Variants in GCSAML observed in about 807,000 individuals in gnomAD.
GCSAML encodes the protein germinal center-associated signaling and motility-like protein.
GCSAML carries 9 observed loss-of-function variants against 13.0 expected under a neutral mutation model. The ratio of observed to expected loss-of-function variants is 0.69; its 90% CI spans 0.42 to 1.21. GCSAML has a LOEUF of 1.21. Ranked by LOEUF, GCSAML falls within the 50% of genes most tolerant of loss-of-function variation. The probability of loss-of-function intolerance (pLI) is 0.00; values close to 1 mark genes in which losing one functional copy is unlikely to be tolerated. For missense variants in GCSAML, 143 were observed against 153.4 expected (o/e 0.93, Z 0.36); for synonymous variants, 37 against 52.9 (o/e 0.70, Z 1.31).
chr1:247,542,258 G>C (rs760542883), intron 2 of GCSAML, among the ~76,000 whole-genome samples: 3 of 152,078 alleles, frequency 2.0e-5, no homozygotes, highest in Non-Finnish European at 2.9e-5. Context: ...GTTCATCTCA[G>C]CCAGGGCTAC....
chr1:247,550,531 G>T (rs1230666837), intron 1 of GCSAML, among the ~76,000 whole-genome samples: 1 of 152,110 alleles, frequency 6.6e-6, no homozygotes, highest in African/African-American at 2.4e-5. Flanking sequence ...CAGCTACTCG[G>T]CAGGCTGGGG....
At chr1:247,568,806 T>C (rs1668485631) in intron 4 of GCSAML, among the ~76,000 whole-genome samples, 1 of 152,224 alleles carries the variant, frequency 6.6e-6, no homozygotes, top group African/African-American at 2.4e-5. Flanking sequence ...TTCCTATCCA[T>C]GAGCATGGAG....
intron 1 of GCSAML, chr1:247,519,426 A>C (rs1198500615): frequency 2.0e-5 from 3 of 152,212 alleles, no homozygotes; most frequent in Admixed American, 2.0e-4. Flanking sequence ...TTTCTGGGGT[A>C]CACTTGTTCC....
At chr1:247,562,871 C>T (rs546588350) in intron 2 of GCSAML, among the ~76,000 whole-genome samples, 13 of 151,800 alleles carry the variant, frequency 8.6e-5, no homozygotes, top group Middle Eastern at 3.4e-3. Flanking sequence ...GATGGAGACT[C>T]GCTCTGTCAC....
Position 247,521,957 on chromosome 1 carries a change from A to G in GCSAML, c.-262-4983A>G, listed in dbSNP as rs1229471032. On this transcript the variant is annotated intron_variant, in intron 1 of 5. Coordinates refer to the GCSAML transcript ENST00000366489. Reference sequence around the variant, plus strand: ...GAGGAGCGTCTCTGCCCGGCTGCCCATCGTCTGAGATGTGGGGAGCGCCTC... The same window carrying G: ...GAGGAGCGTCTCTGCCCGGCTGCCCGTCGTCTGAGATGTGGGGAGCGCCTC... 8.1e-5 allele frequency among the ~76,000 whole-genome samples: 11 copies of G among 135,790 alleles called. 1 individual carries two copies. The highest frequency in any genetic ancestry group is 4.8e-4 in the South Asian group (2 of 4,190). The allele number at this position is 135,790 out of a possible 152,430, so 89.1% of individuals were successfully genotyped here. A position where few individuals can be genotyped will look rare whatever the true frequency, so the allele number is the denominator to read the frequency against.
intron 2 of GCSAML, chr1:247,533,642 G>A (rs543188417): frequency 3.3e-4 from 51 of 152,298 alleles, no homozygotes; most frequent in African/African-American, 1.1e-3. Context: ...CAGTCCATCA[G>A]TATTAGATCA....
chr1:247,526,844 G>A lies in GCSAML; in HGVS notation c.-262-96G>A, dbSNP rs2103325527. The stretch of plus-strand genomic sequence containing the variant: ...CGAAAGACAAGTGGTGTCCAATATG[G>A]CATGTTAGCATTTTCCTCTTCATTT... On this transcript the variant is annotated intron_variant, in intron 1 of 5. Coordinates refer to the GCSAML transcript ENST00000366489. The surrounding 1 kb of genome is among the most constrained non-coding windows in gnomAD (Gnocchi z 4.8). The A allele has an allele frequency of 2.5e-6, 1 of 396,614 alleles. No homozygotes were observed. The highest frequency in any genetic ancestry group is 5.0e-6 in the Non-Finnish European group (1 of 201,058). 24.6% of individuals were successfully genotyped at this position (396,614 alleles called of 1,614,324 possible). A position where few individuals can be genotyped will look rare whatever the true frequency, so the allele number is the denominator to read the frequency against.
At chr1:247,545,911 T>C (rs1015574527), upstream of GCSAML, among the ~76,000 whole-genome samples, 1 of 152,162 alleles carries the variant, frequency 6.6e-6, no homozygotes. Flanking sequence ...ACTTAACAAT[T>C]CGTCAAGAGT....
At chr1:247,560,578 A>G (rs188981022) in intron 2 of GCSAML, among the ~76,000 whole-genome samples, 2 of 152,192 alleles carry the variant, frequency 1.3e-5, no homozygotes, top group Admixed American at 1.3e-4. Flanking sequence ...TTTTATACAT[A>G]TGTCTTTATT....
intron 4 of GCSAML, among the ~76,000 whole-genome samples, chr1:247,568,389 A>T (rs896751123): frequency 2.6e-5 from 4 of 152,204 alleles, no homozygotes; most frequent in Non-Finnish European, 5.9e-5. Flanking sequence ...AGTTTTCTGC[A>T]TATGGCTAGC....
intron 1 of GCSAML, among the ~76,000 whole-genome samples, chr1:247,522,133 C>T (rs1666458124): frequency 6.6e-6 from 1 of 151,636 alleles, no homozygotes; most frequent in African/African-American, 2.4e-5. Context: ...GTGAGGAGCC[C>T]CTCCGCCTGG....
At chr1:247,512,515 T>C (rs1041476964) in intron 1 of GCSAML, among the ~76,000 whole-genome samples, 2 of 152,166 alleles carry the variant, frequency 1.3e-5, no homozygotes, top group Admixed American at 6.5e-5. Flanking sequence ...TTCTGTCAAT[T>C]TGTCAAACTC....
intron 2 of GCSAML, chr1:247,532,307 A>T (rs1468042373): frequency 1.2e-6 from 2 of 1,614,184 alleles, no homozygotes; most frequent in Admixed American, 3.3e-5. Flanking sequence ...ATGTCCAGGA[A>T]GGGGAGGTTG....
upstream of GCSAML, among the ~76,000 whole-genome samples, chr1:247,545,211 G>A (rs1667529326): frequency 6.6e-6 from 1 of 152,224 alleles, no homozygotes; most frequent in African/African-American, 2.4e-5. Context: ...GGGACTCGCT[G>A]TCAACAGGTA....
chr1:247,560,909 TC>T (rs1407505115), intron 2 of GCSAML, among the ~76,000 whole-genome samples: 2 of 152,156 alleles, frequency 1.3e-5, no homozygotes, highest in Non-Finnish European at 2.9e-5. Flanking sequence ...TTATGACTTT[TC>T]TCTCATTCTA....
chr1:247,564,809 G>C (rs561484724), intron 3 of GCSAML, among the ~76,000 whole-genome samples: 1 of 152,124 alleles, frequency 6.6e-6, no homozygotes, highest in African/African-American at 2.4e-5. Flanking sequence ...TAACTGGCTA[G>C]CCATATGGAG....
intron 1 of GCSAML, among the ~76,000 whole-genome samples, chr1:247,518,273 G>A (rs555198847): frequency 6.6e-6 from 1 of 152,356 alleles, no homozygotes; most frequent in Admixed American, 6.5e-5. Flanking sequence ...CAGTTCGTGT[G>A]TGGGACGCCG....
intron 1 of GCSAML, chr1:247,519,304 C>T (rs936231509): frequency 6.6e-6 from 1 of 152,192 alleles, no homozygotes; most frequent in African/African-American, 2.4e-5. Context: ...ATAATGACTG[C>T]TTTGCAGCTC....
intron 2 of GCSAML, chr1:247,536,067 A>G (rs1284068231): frequency 6.6e-6 from 1 of 152,090 alleles, no homozygotes; most frequent in Non-Finnish European, 1.5e-5. Context: ...GTGCTTATCA[A>G]TTTTAACTGG....
Sources: gnomAD v4.1 joint callset for allele counts (sites outside exome capture counted in the v4.1 genomes callset) on GRCh38, gnomAD v4.1.1 for gene constraint, Gnocchi (gnomAD v3.1) non-coding constraint, MANE v1.5 for transcripts, NCBI Gene and HGNC (gene_info 2026-07-23, HGNC 2026-07-21) for gene names.